The following BIRC6 variants were observed in gnomAD, a reference collection of about 807,000 sequenced individuals.
BIRC6 encodes dual E2 ubiquitin-conjugating enzyme/E3 ubiquitin-protein ligase BIRC6.
BIRC6 carries 98 observed loss-of-function variants against 503.3 expected under a neutral mutation model. That is an observed-to-expected ratio of 0.19 (90% CI 0.17 to 0.23). The LOEUF (loss-of-function observed/expected upper bound fraction) is 0.23. Among genes scored for constraint, BIRC6 ranks in the 10% least tolerant of loss-of-function variants. The pLI, the probability that BIRC6 is intolerant of heterozygous loss-of-function variation, is 1.00. For synonymous variants in BIRC6, 2,240 were observed against 2,078.7 expected (o/e 1.08, Z -2.11); for missense variants, 5,360 against 5,806.0 (o/e 0.92, Z 2.50).
In BIRC6 at chr2:32,415,674, A is replaced by T; in HGVS notation, c.2383A>T (p.Asn795Tyr). ...AAATCTTGCTGTAGTGAATGGTGCA[A>T]ATATTAGTGTAATCCAACATGAATC... The part of the protein sequence containing the change: ...ESNLAVVNGA[N>Y]ISVIQHESPA... The change falls in exon 10 of 74, where the codon AAT becomes TAT. Residue 795 changes from asparagine (N) to tyrosine (Y), a missense_variant. Transcript: ENST00000421745. The T allele has an allele frequency of 6.2e-7, 1 of 1,613,920 alleles. No homozygotes were observed. The highest frequency in any genetic ancestry group is 8.5e-7 in the Non-Finnish European group (1 of 1,179,886).
intron 1 of BIRC6, among the ~76,000 whole-genome samples, chr2:32,360,179 C>T (rs2033827228): frequency 6.6e-6 from 1 of 152,096 alleles, no homozygotes; most frequent in Admixed American, 6.6e-5. Flanking sequence ...AGTAATAGGT[C>T]TTATGGACGC....
chr2:32,487,976 G>C (rs1159609564), intron 41 of BIRC6, among the ~76,000 whole-genome samples, 175 bp downstream of exon 41: 1 of 152,068 alleles, frequency 6.6e-6, no homozygotes, highest in Non-Finnish European at 1.5e-5. Context: ...CTCAATGATG[G>C]AACATTGATA....
At position 32,471,038 on chromosome 2, in the gene BIRC6, G is replaced by A; in HGVS notation, c.6506G>A (p.Ser2169Asn). 4.4e-6 allele frequency: 7 copies of A among 1,577,764 alleles called. No individual in the cohort carries two copies. The highest frequency in any genetic ancestry group is 5.2e-6 in the Non-Finnish European group (6 of 1,159,518). Reference sequence around the variant, plus strand: ...GGAGTACTAGATATTCCCATGATCAGTTGGGTTGTTATGCTGGTGTCCAGG... The same window carrying A: ...GGAGTACTAGATATTCCCATGATCAATTGGGTTGTTATGCTGGTGTCCAGG... The part of the protein sequence containing the change: ...TEGVLDIPMI[S>N]WVVMLVSRLL... Residue 2169 changes from serine to asparagine, a missense_variant, in exon 32 of 74, where the codon AGT becomes AAT. Ser to Asn is a conservative substitution (Grantham distance 46). Coordinates refer to ENST00000421745, the MANE Select transcript of BIRC6 (RefSeq NM_016252.4).
chr2:32,473,751 ATT>A (rs1184435388), intron 33 of BIRC6, among the ~76,000 whole-genome samples: 1 of 44,834 alleles, frequency 2.2e-5, no homozygotes, highest in Non-Finnish European at 4.2e-5. Flanking sequence ...GTGTGTGTGT[ATT>A]TTTTTTTTTT....
rs560251664 is a variant in BIRC6 at position 32,480,621 on chromosome 2, C to CTTTTTTT, written c.7409-668_7409-662dup. Among the ~76,000 whole-genome samples, 64 of 60,734 alleles carry CTTTTTTT rather than the reference C, an allele frequency of 1.1e-3. 15 individuals are homozygous for CTTTTTTT. In the East Asian group the frequency reaches 0.013, roughly 13 times the overall value. The allele number at this position is 60,734 out of a possible 152,430, so 39.8% of individuals were successfully genotyped here. A position where few individuals can be genotyped will look rare whatever the true frequency, so the allele number is the denominator to read the frequency against. Reference sequence around the variant, plus strand: ...CATAACAGAAAAATAAGGTAAATGGCTTTTTTTTTTTTTTTTTTTTTTTTT... The same window carrying CTTTTTTT: ...CATAACAGAAAAATAAGGTAAATGGCTTTTTTTTTTTTTTTTTTTTTTTTTTTTTTTT... On this transcript the variant is annotated intron_variant, in intron 37 of 73. Transcript: ENST00000421745.
intron 71 of BIRC6, among the ~76,000 whole-genome samples, chr2:32,604,737 A>G (rs997505876): frequency 6.6e-6 from 1 of 151,958 alleles, no homozygotes; most frequent in East Asian, 1.9e-4. Context: ...TTTTTGTTTA[A>G]CTTTTATGTT....
intron 9 of BIRC6, among the ~76,000 whole-genome samples, chr2:32,407,448 A>G (rs1266254441): frequency 1.3e-5 from 2 of 149,544 alleles, no homozygotes; most frequent in Non-Finnish European, 3.0e-5. Flanking sequence ...TCTGTCTCAA[A>G]AAAAAAAAAA....
intron 3 of BIRC6, among the ~76,000 whole-genome samples, chr2:32,387,885 ATAGT>A (rs920788295): frequency 5.3e-5 from 8 of 152,212 alleles, no homozygotes; most frequent in Non-Finnish European, 1.2e-4. Context: ...CTTTTCCAGA[ATAGT>A]TAGTTGAGGT....
chr2:32,468,575 T>A lies in BIRC6; in HGVS notation c.5919T>A (p.Ala1973=). 6.2e-7 allele frequency: 1 copy of A among 1,614,028 alleles called. No homozygotes were observed. Among genetic ancestry groups the A allele is most frequent in the Non-Finnish European group, 8.5e-7 (1 of 1,179,878 alleles). Residue 1973 remains alanine, a synonymous_variant, in exon 29 of 74, where the codon GCT becomes GCA. Coordinates refer to ENST00000421745, the MANE Select transcript of BIRC6 (RefSeq NM_016252.4). ...AGGAAGACAGTAGGGTTTTTTCTGC[T>A]TATCAAGATTGTATTCAGCTACAGC... The part of the protein sequence containing the change: ...AVEEDSRVFS[A]YQDCIQLQLQ...
chr2:32,416,395 C>T (rs1574056762), intron 10 of BIRC6, among the ~76,000 whole-genome samples: 1 of 151,946 alleles, frequency 6.6e-6, no homozygotes, highest in Non-Finnish European at 1.5e-5. Context: ...GTATCTTCTG[C>T]TTTAACCTCA....
intron 3 of BIRC6, among the ~76,000 whole-genome samples, chr2:32,383,476 C>T (rs1007668330): frequency 1.3e-5 from 2 of 152,194 alleles, no homozygotes; most frequent in Admixed American, 6.5e-5. Context: ...GGATTCTTTA[C>T]GTACATGAAC....
At chr2:32,467,118 CAAA>C (rs1207152761) in intron 26 of BIRC6, among the ~76,000 whole-genome samples, 7 of 81,986 alleles carry the variant, frequency 8.5e-5, no homozygotes, top group Admixed American at 1.4e-4. Flanking sequence ...GACTCCGTCT[CAAA>C]AAAAAAAAAA....
intron 65 of BIRC6, among the ~76,000 whole-genome samples, chr2:32,555,080 A>G (rs1472617505): frequency 1.3e-5 from 2 of 152,214 alleles, no homozygotes; most frequent in Non-Finnish European, 2.9e-5. Context: ...TTGTTGATAT[A>G]CACTGCCTGA....
rs1270104048 is a variant in BIRC6, at chr2:32,525,016, T to C, written c.11752T>C (p.Ser3918Pro). The C allele has an allele frequency of 6.5e-7, 1 of 1,530,586 alleles. No homozygotes were observed. Among genetic ancestry groups the C allele is most frequent in the Non-Finnish European group, 8.7e-7 (1 of 1,146,612 alleles). 94.8% of individuals were successfully genotyped at this position (1,530,586 alleles called of 1,614,324 possible). The change falls in exon 58 of 74, where the codon TCT becomes CCT. Residue 3918 changes from serine to proline, a missense_variant. Ser to Pro is a moderately conservative substitution (Grantham distance 74). Transcript: ENST00000421745. ...AGACAATTACAGTGTTGTTGTTGCC[T>C]CTGGTATGCTTTCTATTTTTTATAA... ...FQDNYSVVVA[S>P]GLKSQSKRAV...
chr2:32,444,863 C>G (rs529784300), intron 20 of BIRC6, among the ~76,000 whole-genome samples: 1 of 152,310 alleles, frequency 6.6e-6, no homozygotes, highest in East Asian at 1.9e-4. Flanking sequence ...ACCATTAACT[C>G]TATGGAATAG....
chr2:32,503,961 C>T (rs985640070), intron 49 of BIRC6, among the ~76,000 whole-genome samples: 14 of 141,328 alleles, frequency 9.9e-5, no homozygotes, highest in African/African-American at 3.5e-4. Flanking sequence ...AGGCAATTCT[C>T]ATGCCTCAGC....
At chr2:32,610,041 C>T (rs1303587627) in intron 72 of BIRC6, among the ~76,000 whole-genome samples, 1 of 152,078 alleles carries the variant, frequency 6.6e-6, no homozygotes, top group Non-Finnish European at 1.5e-5. Context: ...GGTACACTCC[C>T]GTCCCATCTG....
intron 54 of BIRC6, 127 bp from the exon 55 acceptor site, chr2:32,514,863 T>A (rs964605681): frequency 2.8e-6 from 2 of 705,384 alleles, no homozygotes; most frequent in Non-Finnish European, 4.6e-6. Context: ...TCTTACAATG[T>A]TTTATTATTC....
At position 32,519,537 on chromosome 2, in the gene BIRC6, G is replaced by A. The variant is rs147959440; in HGVS notation, c.11623+591G>A. 5.7e-3 allele frequency among the ~76,000 whole-genome samples: 864 copies of A among 151,762 alleles called. 10 individuals are homozygous for A. The highest frequency in any genetic ancestry group is 0.019 in the African/African-American group (808 of 41,496). ...TTTATTTATTTATTTAATTTTGAGA[G>A]GGGGGTCTCACTCTGTCACCCAGGC... On this transcript the variant is annotated intron_variant, in intron 57 of 73. Transcript: ENST00000421745.
Sources: allele counts gnomAD v4.1 joint callset (sites outside exome capture counted in the v4.1 genomes callset), GRCh38; gene constraint gnomAD v4.1.1; transcripts MANE v1.5; gene names NCBI Gene and HGNC (gene_info 2026-07-23, HGNC 2026-07-21).